SARS2: variants seen among roughly 807,000 people sequenced by gnomAD.
The protein encoded by SARS2 is serine--tRNA ligase, mitochondrial.
SARS2 carries 52 observed loss-of-function variants against 66.8 expected under a neutral mutation model. The observed-to-expected ratio is 0.78, with a 90% confidence interval of 0.62 to 0.98. The LOEUF is 0.98. SARS2 is among the 50% of genes least tolerant of loss of function. The pLI, the probability that SARS2 is intolerant of heterozygous loss-of-function variation, is 0.00. For synonymous variants in SARS2, 306 were observed against 281.4 expected, an observed-to-expected ratio of 1.09 and a Z score of -0.87; for missense variants, 673 against 706.3, an observed-to-expected ratio of 0.95 and a Z score of 0.53.
rs1414743479 is a variant in SARS2, at chr19:38,915,532, C to G, written c.*74G>C. ...AGATGTCAGGACGGGCTCAGCAACA[C>G]AGGTCCCAGGTGTCCGGGGTCTCCT... On this transcript the variant is annotated 3_prime_UTR_variant, in exon 16 of 16. Transcript: ENST00000221431. 1 of 1,569,476 alleles carries G rather than the reference C, an allele frequency of 6.4e-7. No individual in the cohort carries two copies. Among genetic ancestry groups the G allele is most frequent in the Non-Finnish European group, 8.7e-7 (1 of 1,155,148 alleles).
intron 3 of SARS2, 166 bp downstream of exon 3, chr19:38,922,072 G>A: frequency 6.3e-7 from 1 of 1,576,790 alleles, no homozygotes; most frequent in Non-Finnish European, 8.6e-7. Flanking sequence ...CCTGGATCCA[G>A]CCGCACCTGA....
intron 5 of SARS2, among the ~76,000 whole-genome samples, chr19:38,920,622 CACAT>C (rs994554819): frequency 6.6e-6 from 1 of 151,784 alleles, no homozygotes; most frequent in Non-Finnish European, 1.5e-5. Flanking sequence ...AAGACACACA[CACAT>C]ATACAGACAC....
chr19:38,921,682 G>A lies in SARS2; in HGVS notation c.394-15C>T. On this transcript the variant is annotated splice_polypyrimidine_tract_variant and intron_variant, in intron 3 of 15. Transcript: ENST00000221431. ...TACTTGGGGTCCTGGGGGCAGCACAGGTGGGCTCAGCCCGGGAGAGGGTCA... is the reference window on the plus strand; with the variant it reads ...TACTTGGGGTCCTGGGGGCAGCACAAGTGGGCTCAGCCCGGGAGAGGGTCA... 3 of 1,613,864 alleles carry A rather than the reference G, an allele frequency of 1.9e-6. No individual in the cohort carries two copies. The highest frequency in any genetic ancestry group is 2.5e-6 in the Non-Finnish European group (3 of 1,179,922).
In SARS2 at chr19:38,918,481, ATGT is replaced by A. The variant is rs1395753184; in HGVS notation, c.854_856del (p.Asn285del). 8.1e-6 allele frequency: 13 copies of A among 1,613,982 alleles called. No homozygotes were observed. Among genetic ancestry groups the A allele is most frequent in the African/African-American group, 2.7e-5 (2 of 74,860 alleles). ...GAGATCTTTGAAGCGGGCAGGGTCG[ATGT>A]TGTAAATTTGGGATGGGTTGGCATT... On this transcript the variant is annotated inframe_deletion, in exon 9 of 16. Transcript: ENST00000221431.
chr19:38,916,014 G>A (rs1974407545), intron 14 of SARS2, 23 bp downstream of exon 14: 2 of 1,612,480 alleles, frequency 1.2e-6, no homozygotes, highest in Admixed American at 1.7e-5. Context: ...GGGCACGCGG[G>A]CAGGAGGCTG....
rs1325860785 is a variant in SARS2 at position 38,919,786 on chromosome 19, G to C, written c.735C>G (p.Phe245Leu). The C allele has an allele frequency of 5.0e-6, 8 of 1,614,168 alleles. No individual in the cohort carries two copies. In the South Asian group the frequency reaches 8.8e-5, roughly 18 times the overall value. The change falls in exon 7 of 16, where the codon TTC becomes TTG. Residue 245 changes from phenylalanine to leucine, a missense_variant. Coordinates refer to ENST00000221431, the MANE Select transcript of SARS2 (RefSeq NM_017827.4). ...CCCGGCGGAGAAGCTTGTTGAATGT[G>C]AAGTTGACCAGGCCGTGCTGCAGGA... ...GALLQHGLVN[F>L]TFNKLLRRGF...
intron 2 of SARS2, among the ~76,000 whole-genome samples, chr19:38,923,513 C>T (rs1470258913): frequency 2.0e-5 from 3 of 150,444 alleles, no homozygotes; most frequent in East Asian, 2.0e-4. Context: ...TGAGCCACCG[C>T]GCCCGGCCTC....
At position 38,930,520 on chromosome 19, in the gene SARS2, C is replaced by A. The variant is rs1019743628; in HGVS notation, c.217G>T (p.Ala73Ser). 1.2e-6 allele frequency: 2 copies of A among 1,612,674 alleles called. No individual in the cohort carries two copies. The highest frequency in any genetic ancestry group is 1.1e-5 in the South Asian group (1 of 91,086). The stretch of plus-strand genomic sequence containing the variant: ...AGCTCCCCCTTGCGGAGCTCCAGGG[C>A]GTGTGCGGCCTCTTCTGGGCATGCG... ...FCACPEEAAH[A>S]LELRKGELRS... Residue 73 changes from alanine to serine, a missense_variant, in exon 1 of 16, where the codon GCC (alanine) becomes TCC (serine). Ala to Ser is a moderately conservative substitution (Grantham distance 99). Coordinates refer to ENST00000221431, the MANE Select transcript of SARS2 (RefSeq NM_017827.4).
Position 38,930,610 on chromosome 19 carries a change from G to C in SARS2, c.127C>G (p.Leu43Val). The C allele has an allele frequency of 6.2e-7, 1 of 1,614,134 alleles. No homozygotes were observed. The highest frequency in any genetic ancestry group is 1.3e-5 in the African/African-American group (1 of 75,070). The change falls in exon 1 of 16, where the codon CTC (leucine) becomes GTC (valine). Residue 43 changes from leucine (L) to valine (V), a missense_variant. By Grantham distance (32) the Leu-to-Val change is conservative. Transcript: ENST00000221431. The part of the protein sequence containing the change: ...SFTTEKRNRN[L>V]LYEYAREGYS... The stretch of plus-strand genomic sequence containing the variant: ...CCCTCGCGCGCATACTCGTACAGGA[G>C]GTTCCGGTTTCGTTTCTCTGTAGTG...
chr19:38,921,217 G>A (rs1049517959), intron 5 of SARS2, among the ~76,000 whole-genome samples, 175 bp downstream of exon 5: 8 of 152,264 alleles, frequency 5.3e-5, no homozygotes, highest in East Asian at 1.9e-4. Context: ...CCCAAGGACC[G>A]CCTCTCAGAG....
At position 38,917,755 on chromosome 19, in the gene SARS2, C is replaced by G. The variant is rs1232152227; in HGVS notation, c.1129G>C (p.Glu377Gln). The change falls in exon 12 of 16, where the codon GAG becomes CAG. Residue 377 changes from glutamate (E) to glutamine (Q), a missense_variant. Coordinates refer to ENST00000221431, the MANE Select transcript of SARS2 (RefSeq NM_017827.4). ...LLEEFLSLQM[E>Q]ILTELGLHFR... ...TGCAAGCCCAGCTCTGTCAAGATCT[C>G]CATCTGAAGGGACAGGAACTCCTCC... 1.3e-6 allele frequency: 2 copies of G among 1,589,826 alleles called. No homozygotes were observed. The highest frequency in any genetic ancestry group is 3.4e-5 in the Admixed American group (2 of 59,252).
At position 38,915,356 on chromosome 19, in the gene SARS2, T is replaced by C. The variant is rs377325293; in HGVS notation, c.*250A>G. On this transcript the variant is annotated 3_prime_UTR_variant, in exon 16 of 16. Transcript: ENST00000221431. ...TGGAAGCCTCTTCCTCTGCTTCTCCTGTCCCTAGAACCGTAAAGCCCAGAC... is the reference window on the plus strand; with the variant it reads ...TGGAAGCCTCTTCCTCTGCTTCTCCCGTCCCTAGAACCGTAAAGCCCAGAC... 2.3e-4 allele frequency: 128 copies of C among 564,634 alleles called. 1 individual carries two copies. In the South Asian group the frequency reaches 2.9e-3, roughly 13 times the overall value. The allele number at this position is 564,634 out of a possible 1,614,324, so 35.0% of individuals were successfully genotyped here. A position where few individuals can be genotyped will look rare whatever the true frequency, so the allele number is the denominator to read the frequency against.
At chr19:38,918,634 C>T in intron 8 of SARS2, 104 bp from the exon 9 acceptor site, 1 of 1,375,538 alleles carries the variant, frequency 7.3e-7, no homozygotes, top group Non-Finnish European at 1.0e-6. Flanking sequence ...CTGGAGCTGC[C>T]CTGGCCTCCC....
At chr19:38,921,182 A>T (rs570621351) in intron 5 of SARS2, among the ~76,000 whole-genome samples, 2 of 152,180 alleles carry the variant, frequency 1.3e-5, no homozygotes, top group Admixed American at 1.3e-4. Context: ...AGACTGCCCA[A>T]TGGTGAAGGG....
At chr19:38,919,738 C>A in intron 7 of SARS2, 24 bp downstream of exon 7, 1 of 1,596,296 alleles carries the variant, frequency 6.3e-7, no homozygotes, top group Non-Finnish European at 8.6e-7. Flanking sequence ...CCCCTCCAGG[C>A]AGCCCTCCTA....
At chr19:38,922,628 G>A (rs1013690845) in intron 2 of SARS2, among the ~76,000 whole-genome samples, 29 of 152,098 alleles carry the variant, frequency 1.9e-4, no homozygotes, top group Admixed American at 1.8e-3. Flanking sequence ...ATCTCAAATT[G>A]TAATTCCACC....
intron 5 of SARS2, 38 bp from the exon 6 acceptor site, chr19:38,920,187 G>A (rs1356775435): frequency 2.6e-6 from 4 of 1,518,440 alleles, no homozygotes; most frequent in Non-Finnish European, 2.7e-6. Context: ...AAGGCAGCGG[G>A]GAGAGAGGGA....
intron 2 of SARS2, among the ~76,000 whole-genome samples, chr19:38,922,663 G>A (rs942570883): frequency 1.3e-5 from 2 of 152,144 alleles, no homozygotes. Flanking sequence ...CCTGGTGGGA[G>A]GTGATCGGGT....
intron 5 of SARS2, among the ~76,000 whole-genome samples, chr19:38,921,076 C>CACACAT (rs1974524442): frequency 6.9e-6 from 1 of 144,936 alleles, no homozygotes; most frequent in Non-Finnish European, 1.5e-5. Context: ...CAGATACAGA[C>CACACAT]ACACAGATAC....
Sources: gnomAD v4.1 joint callset for allele counts (sites outside exome capture counted in the v4.1 genomes callset) on GRCh38, gnomAD v4.1.1 for gene constraint, MANE v1.5 for transcripts, NCBI Gene and HGNC (gene_info 2026-07-23, HGNC 2026-07-21) for gene names.